TMEM132C: variants seen among roughly 807,000 people sequenced by gnomAD.
The protein encoded by TMEM132C is protein phosphatase 1, regulatory subunit 152.
TMEM132C carries 29 observed loss-of-function variants against 61.4 expected under a neutral mutation model. The ratio of observed to expected loss-of-function variants is 0.47; its 90% CI spans 0.35 to 0.64. TMEM132C has a LOEUF of 0.64. Ranked by LOEUF, TMEM132C falls within the 30% of genes least tolerant of loss-of-function variation. The pLI, the probability that TMEM132C is intolerant of heterozygous loss-of-function variation, is 0.00. For synonymous variants in TMEM132C, 656 were observed against 633.1 expected, an observed-to-expected ratio of 1.04 and a Z score of -0.54; for missense variants, 1,408 against 1,476.9, an observed-to-expected ratio of 0.95 and a Z score of 0.76.
chr12:128,392,063 T>TC (rs1491514208), intron 1 of TMEM132C, among the ~76,000 whole-genome samples: 2,206 of 69,006 alleles, frequency 0.032, 72 homozygotes, highest in African/African-American at 0.15. Flanking sequence ...TCTCTCTCTC[T>TC]TTCTCTCTCT....
Position 128,415,692 on chromosome 12 carries a change from TA to T in TMEM132C, c.974+73del. 1.4e-6 allele frequency: 2 copies of T among 1,430,752 alleles called. No individual in the cohort carries two copies. The highest frequency in any genetic ancestry group is 1.9e-6 in the Non-Finnish European group (2 of 1,079,320). The allele number at this position is 1,430,752 out of a possible 1,614,324, so 88.6% of individuals were successfully genotyped here. A position where few individuals can be genotyped will look rare whatever the true frequency, so the allele number is the denominator to read the frequency against. ...GAGACTGGGTTCCATGCGTGGCAGA[TA>T]GATATTCAGGAAGCATCGATTTTCA... On this transcript the variant is annotated intron_variant, in intron 2 of 8. Coordinates refer to ENST00000435159, the MANE Select transcript of TMEM132C (RefSeq NM_001136103.3). The surrounding 1 kb of genome is among the most constrained non-coding windows in gnomAD (Gnocchi z 5.8).
chr12:128,275,189 C>T lies in TMEM132C; in HGVS notation c.85+7702C>T, dbSNP rs1215674504. 6.6e-5 allele frequency among the ~76,000 whole-genome samples: 10 copies of T among 152,182 alleles called. 1 individual carries two copies. The highest frequency in any genetic ancestry group is 1.0e-4 in the Non-Finnish European group (7 of 68,032). The stretch of plus-strand genomic sequence containing the variant: ...CCAACCCTCTGGTCATGGTTTGGTA[C>T]TGGTCCGTGGCCTATTAGGAACTAG... On this transcript the variant is annotated intron_variant, in intron 1 of 8. Transcript: ENST00000435159.
chr12:128,507,047 G>A (rs189691144), intron 2 of TMEM132C, among the ~76,000 whole-genome samples: 3 of 152,218 alleles, frequency 2.0e-5, no homozygotes, highest in Admixed American at 2.0e-4. Flanking sequence ...GGAAAAAGAA[G>A]TCCTGGTTTA....
At chr12:128,271,197 T>A (rs1165567643) in intron 1 of TMEM132C, among the ~76,000 whole-genome samples, 1 of 151,578 alleles carries the variant, frequency 6.6e-6, no homozygotes, top group Non-Finnish European at 1.5e-5. Context: ...GAGGTTGCAG[T>A]GAGCCAAGAT....
chr12:128,380,153 C>T (rs1441007595), intron 1 of TMEM132C, among the ~76,000 whole-genome samples: 1 of 152,248 alleles, frequency 6.6e-6, no homozygotes, highest in African/African-American at 2.4e-5. Context: ...CACTCCTGTC[C>T]TTATTTTACT....
At position 128,606,667 on chromosome 12, in the gene TMEM132C, G is replaced by A. The variant is rs1440424500; in HGVS notation, c.1122-9485G>A. On this transcript the variant is annotated intron_variant, in intron 3 of 8. Transcript: ENST00000435159. ...TGTCACAGCCTCTGTCAAGGCCTGT[G>A]TGTGACAGTGCAATCACTTGCTTTC... Among the ~76,000 whole-genome samples the A allele has an allele frequency of 4.6e-5, 7 of 152,306 alleles. No individual in the cohort carries two copies. In the East Asian group the frequency reaches 7.7e-4, roughly 17 times the overall value.
At chr12:128,519,260 C>T (rs1290691358) in intron 2 of TMEM132C, among the ~76,000 whole-genome samples, 1 of 152,164 alleles carries the variant, frequency 6.6e-6, no homozygotes, top group Non-Finnish European at 1.5e-5. Context: ...TAGCCATTCC[C>T]TGTTGAGAAG....
intron 4 of TMEM132C, among the ~76,000 whole-genome samples, chr12:128,651,592 A>C (rs1566003490): frequency 6.6e-6 from 1 of 152,226 alleles, no homozygotes; most frequent in Non-Finnish European, 1.5e-5. Context: ...ACAGCGACTG[A>C]GAGACACAAC....
intron 1 of TMEM132C, among the ~76,000 whole-genome samples, chr12:128,395,847 G>C (rs1487115021): frequency 6.6e-6 from 1 of 152,000 alleles, no homozygotes; most frequent in Admixed American, 6.6e-5. Context: ...GCAATTATGA[G>C]CCAGGATGGG....
intron 3 of TMEM132C, among the ~76,000 whole-genome samples, chr12:128,562,516 G>T (rs1041227042): frequency 2.6e-5 from 4 of 152,148 alleles, no homozygotes; most frequent in Non-Finnish European, 1.5e-5. Context: ...CTCACCAGGG[G>T]TGTGTAAACT....
At chr12:128,572,696 G>A (rs1443062799) in intron 3 of TMEM132C, among the ~76,000 whole-genome samples, 1 of 150,002 alleles carries the variant, frequency 6.7e-6, no homozygotes, top group Non-Finnish European at 1.5e-5. Context: ...TGATTGGCCA[G>A]ACCTGTCACA....
chr12:128,409,935 A>C (rs1205026385), intron 1 of TMEM132C, among the ~76,000 whole-genome samples: 1 of 152,210 alleles, frequency 6.6e-6, no homozygotes, highest in Admixed American at 6.5e-5. Flanking sequence ...CAATGACTAA[A>C]AGACACTCTC....
At chr12:128,348,681 T>G (rs1196103227) in intron 1 of TMEM132C, among the ~76,000 whole-genome samples, 1 of 152,240 alleles carries the variant, frequency 6.6e-6, no homozygotes, top group East Asian at 1.9e-4. Flanking sequence ...ATGCCAAAAC[T>G]GGAAGGTTTC....
intron 4 of TMEM132C, among the ~76,000 whole-genome samples, chr12:128,625,888 G>T (rs895423209): frequency 6.6e-6 from 1 of 152,052 alleles, no homozygotes; most frequent in African/African-American, 2.4e-5. Flanking sequence ...TGAATTTGGG[G>T]GACACAACCA....
In TMEM132C at chr12:128,478,686, CAG is replaced by C. The variant is rs574494585; in HGVS notation, c.974+63067_974+63068del. Among the ~76,000 whole-genome samples the C allele has an allele frequency of 1.2e-4, 19 of 152,346 alleles. No individual in the cohort carries two copies. The East Asian group carries it at 3.3e-3, about 26-fold the overall frequency. ...CAAGTCCTCTGGCTTCAAGCACTCT[CAG>C]TGCCACATTACCGGAGGTACAGCAA... On this transcript the variant is annotated intron_variant, in intron 2 of 8. Transcript: ENST00000435159.
intron 2 of TMEM132C, among the ~76,000 whole-genome samples, chr12:128,541,726 C>T (rs1873760410): frequency 6.6e-6 from 1 of 152,188 alleles, no homozygotes; most frequent in African/African-American, 2.4e-5. Context: ...CCCTCAACTG[C>T]ACTTGCTGAC....
intron 3 of TMEM132C, 128 bp downstream of exon 3, chr12:128,544,231 G>C (rs1873868692): frequency 7.7e-7 from 1 of 1,296,610 alleles, no homozygotes; most frequent in Non-Finnish European, 1.0e-6. Context: ...CCACCACGTG[G>C]AAATCTGGAG....
chr12:128,654,499 T>C (rs1441936073), intron 4 of TMEM132C, among the ~76,000 whole-genome samples: 3 of 152,202 alleles, frequency 2.0e-5, no homozygotes, highest in Non-Finnish European at 2.9e-5. Context: ...TACAGCAGCC[T>C]TAGAAAACTA....
chr12:128,498,501 C>G (rs1307855209), intron 2 of TMEM132C, among the ~76,000 whole-genome samples: 2 of 151,972 alleles, frequency 1.3e-5, no homozygotes, highest in Non-Finnish European at 2.9e-5. Context: ...CATGGTGAAA[C>G]CCTATCTCTA....
Sources: allele counts gnomAD v4.1 joint callset (sites outside exome capture counted in the v4.1 genomes callset), GRCh38; gene constraint gnomAD v4.1.1; non-coding constraint Gnocchi (gnomAD v3.1); transcripts MANE v1.5; gene names NCBI Gene and HGNC (gene_info 2026-07-23, HGNC 2026-07-21).